The following RNF2 variants were observed in gnomAD, a reference collection of about 807,000 sequenced individuals.
RNF2 encodes E3 ubiquitin-protein ligase RING2.
In RNF2, 6 loss-of-function variants were observed where a neutral mutation model predicts 37.2. The ratio of observed to expected loss-of-function variants is 0.16; its 90% CI spans 0.09 to 0.32. The LOEUF is 0.32. Ranked by LOEUF, RNF2 falls within the 10% of genes least tolerant of loss-of-function variation. The pLI is 1.00. For synonymous variants in RNF2, 133 were observed against 132.7 expected (o/e 1.00, Z -0.02); for missense variants, 251 against 404.0 (o/e 0.62, Z 3.25).
At chr1:185,076,057 A>C (rs561505056) in intron 1 of RNF2, among the ~76,000 whole-genome samples, 1 of 151,978 alleles carries the variant, frequency 6.6e-6, no homozygotes, top group East Asian at 1.9e-4. Flanking sequence ...CTCAGTATAT[A>C]TTATCGTTAT....
At chr1:185,046,974 A>G (rs1487965114) in intron 1 of RNF2, among the ~76,000 whole-genome samples, 1 of 152,252 alleles carries the variant, frequency 6.6e-6, no homozygotes, top group Admixed American at 6.5e-5. Flanking sequence ...AATAGCAGCA[A>G]TATGACTCTT....
At chr1:185,095,815 TA>T (rs66657295) in intron 4 of RNF2, among the ~76,000 whole-genome samples, 14,858 of 152,226 alleles carry the variant, frequency 0.098, 941 homozygotes, top group East Asian at 0.26. Context: ...CAAATATTTT[TA>T]TGTAGGTATA....
intron 1 of RNF2, among the ~76,000 whole-genome samples, chr1:185,064,841 A>T (rs534177616): frequency 2.6e-5 from 4 of 151,930 alleles, no homozygotes; most frequent in Non-Finnish European, 5.9e-5. Flanking sequence ...ATGTTGTTGT[A>T]TATGGAATTT....
At chr1:185,087,524 A>G in intron 1 of RNF2, 28 bp from the exon 2 acceptor site, 1 of 1,599,128 alleles carries the variant, frequency 6.3e-7, no homozygotes, top group African/African-American at 1.3e-5. Flanking sequence ...AAATACTAAA[A>G]TTGTTTTTCT....
chr1:185,067,799 C>T (rs776160530), intron 1 of RNF2, among the ~76,000 whole-genome samples: 1 of 150,480 alleles, frequency 6.6e-6, no homozygotes, highest in Admixed American at 6.6e-5. Flanking sequence ...CAACCTCTGC[C>T]TCCCGGGTTC....
chr1:185,099,788 T>C lies in RNF2; in HGVS notation c.738-3T>C. The C allele has an allele frequency of 6.2e-7, 1 of 1,611,180 alleles. No individual in the cohort carries two copies. The highest frequency in any genetic ancestry group is 1.1e-5 in the South Asian group (1 of 90,232). On this transcript the variant is annotated splice_polypyrimidine_tract_variant and splice_region_variant and intron_variant, in intron 5 of 6. Coordinates refer to ENST00000367510, the MANE Select transcript of RNF2 (RefSeq NM_007212.4). ...TGAAATTTTTAATGATTTATTCTTC[T>C]AGATACATAAAGACTTCTGGTAACG...
intron 1 of RNF2, among the ~76,000 whole-genome samples, chr1:185,077,084 TA>T (rs1003791020): frequency 6.6e-5 from 10 of 152,192 alleles, no homozygotes; most frequent in Admixed American, 4.6e-4. Context: ...TGGGATCTTT[TA>T]AAAAATTTAT....
intron 5 of RNF2, 125 bp downstream of exon 5, chr1:185,098,469 T>A: frequency 9.1e-7 from 1 of 1,095,880 alleles, no homozygotes; most frequent in Non-Finnish European, 1.3e-6. Flanking sequence ...GTTCAGTTAC[T>A]AGCTGCCTAG....
chr1:185,072,308 C>T (rs902078815), intron 1 of RNF2, among the ~76,000 whole-genome samples: 1 of 152,014 alleles, frequency 6.6e-6, no homozygotes, highest in Non-Finnish European at 1.5e-5. Flanking sequence ...AATTTGAACT[C>T]CTCTTTTTAT....
Position 185,093,147 on chromosome 1 carries a change from A to G in RNF2, c.335A>G (p.Lys112Arg). The change falls in exon 4 of 7, where the codon AAA becomes AGA. Residue 112 changes from lysine to arginine, a missense_variant. By Grantham distance (26) the Lys-to-Arg change is conservative (BLOSUM62 2). This residue lies in a region of RNF2 where 33 missense variants were observed against 46.8 expected (regional missense o/e 0.71). Transcript: ENST00000367510. ...CCAAACTTTGATGCACTCATCAGCA[A>G]AATTTATCCAAGTCGTGATGAGTAT... ...PDPNFDALIS[K>R]IYPSRDEYEA... is the part of the protein sequence containing the mutation. 1 of 1,614,062 alleles carries G rather than the reference A, an allele frequency of 6.2e-7. No individual in the cohort carries two copies. The highest frequency in any genetic ancestry group is 8.5e-7 in the Non-Finnish European group (1 of 1,179,948).
chr1:185,092,757 C>T (rs1030668152), intron 3 of RNF2, among the ~76,000 whole-genome samples: 9 of 151,522 alleles, frequency 5.9e-5, no homozygotes, highest in Non-Finnish European at 8.8e-5. Context: ...GCATGGATAT[C>T]GGAAAGGGGA....
intron 1 of RNF2, among the ~76,000 whole-genome samples, chr1:185,085,866 G>C (rs1651581772): frequency 6.6e-6 from 1 of 151,978 alleles, no homozygotes; most frequent in African/African-American, 2.4e-5. Context: ...TGGCCAGGCT[G>C]GTCTCGAACT....
chr1:185,089,184 C>T (rs781552080), intron 2 of RNF2, among the ~76,000 whole-genome samples: 3 of 152,086 alleles, frequency 2.0e-5, no homozygotes, highest in Non-Finnish European at 4.4e-5. Context: ...CGGACTCTTA[C>T]GAGAGTCTAA....
chr1:185,067,017 A>G (rs1370522865), intron 1 of RNF2, among the ~76,000 whole-genome samples: 2 of 152,212 alleles, frequency 1.3e-5, no homozygotes, highest in African/African-American at 4.8e-5. Context: ...TAAGTTTATT[A>G]CTAGTATTCA....
intron 1 of RNF2, among the ~76,000 whole-genome samples, chr1:185,082,364 T>TTTTTTTTTTTTTTTTG (rs1173750596): frequency 8.7e-6 from 1 of 114,890 alleles, no homozygotes; most frequent in Non-Finnish European, 1.9e-5. Flanking sequence ...TTTTTTTTTT[T>TTTTTTTTTTTTTTTTG]TTTGAAGACA....
At chr1:185,090,334 A>T (rs1264121189) in intron 2 of RNF2, among the ~76,000 whole-genome samples, 1 of 152,142 alleles carries the variant, frequency 6.6e-6, no homozygotes. Flanking sequence ...GGTTGAATTT[A>T]TCCAGGGTTG....
In RNF2 at chr1:185,101,630, C is replaced by T. The variant is rs911472696; in HGVS notation, c.*1329C>T. 1 of 152,056 alleles carries T rather than the reference C, an allele frequency of 6.6e-6. No homozygotes were observed. The highest frequency in any genetic ancestry group is 1.5e-5 in the Non-Finnish European group (1 of 67,896). 9.4% of individuals were successfully genotyped at this position (152,056 alleles called of 1,614,324 possible). On this transcript the variant is annotated 3_prime_UTR_variant, in exon 7 of 7. Transcript: ENST00000367510. The stretch of plus-strand genomic sequence containing the variant: ...GACATGTTTGCATTGAGAAATTAAC[C>T]CTAAAGGGTTTTCAATAGGGTGTAG...
At chr1:185,048,450 C>A (rs1286312378) in intron 1 of RNF2, among the ~76,000 whole-genome samples, 2 of 152,068 alleles carry the variant, frequency 1.3e-5, no homozygotes, top group African/African-American at 4.8e-5. Context: ...TTTACTTCTC[C>A]CATTTCATTT....
Position 185,101,637 on chromosome 1 carries a change from G to C in RNF2, c.*1336G>C, listed in dbSNP as rs1339731759. ...TTGCATTGAGAAATTAACCCTAAAG[G>C]GTTTTCAATAGGGTGTAGACCTCCA... is the stretch of plus-strand genomic sequence containing the variant. On this transcript the variant is annotated 3_prime_UTR_variant, in exon 7 of 7. Coordinates refer to ENST00000367510, the MANE Select transcript of RNF2 (RefSeq NM_007212.4). 4 of 152,070 alleles carry C rather than the reference G, an allele frequency of 2.6e-5. No individual in the cohort carries two copies. The highest frequency in any genetic ancestry group is 4.4e-5 in the Non-Finnish European group (3 of 67,912). 9.4% of individuals were successfully genotyped at this position (152,070 alleles called of 1,614,324 possible). A position where few individuals can be genotyped will look rare whatever the true frequency, so the allele number is the denominator to read the frequency against.
Sources: gnomAD v4.1 joint callset for allele counts (sites outside exome capture counted in the v4.1 genomes callset) on GRCh38, gnomAD v4.1.1 for gene constraint, gnomAD v4.1.1 regional missense constraint, MANE v1.5 for transcripts, NCBI Gene and HGNC (gene_info 2026-07-23, HGNC 2026-07-21) for gene names.